The following GABRA4 variants were observed in gnomAD, a reference collection of about 807,000 sequenced individuals.
GABRA4 encodes the protein gamma-aminobutyric acid type A receptor subunit alpha4, also known as gamma-aminobutyric acid receptor subunit alpha-4.
In GABRA4, 12 loss-of-function variants were observed where a neutral mutation model predicts 49.7. The ratio of observed to expected loss-of-function variants is 0.24; its 90% confidence interval spans 0.15 to 0.39. GABRA4 has a LOEUF of 0.39. Among genes scored for constraint, GABRA4 ranks in the 10% least tolerant of loss-of-function variants. The pLI is 1.00. For missense variants in GABRA4, 506 were observed against 686.0 expected, an observed-to-expected ratio of 0.74 and a Z score of 2.93; for synonymous variants, 288 against 240.2, an observed-to-expected ratio of 1.20 and a Z score of -1.84.
rs1721281856 is a variant in GABRA4, at chr4:46,927,847, A to T, written c.*378T>A. On this transcript the variant is annotated 3_prime_UTR_variant, in exon 9 of 9. Coordinates refer to ENST00000264318, the MANE Select transcript of GABRA4 (RefSeq NM_000809.4). ...AACAATTCTGGTTAAGGGTAGTGCCACTGGGAAATTTAGGGTGGCAGGTTG... is the reference window on the plus strand; with the variant it reads ...AACAATTCTGGTTAAGGGTAGTGCCTCTGGGAAATTTAGGGTGGCAGGTTG... The T allele has an allele frequency of 5.8e-6, 1 of 172,290 alleles. No homozygotes were observed. Among genetic ancestry groups the T allele is most frequent in the Non-Finnish European group, 1.2e-5 (1 of 80,564 alleles). The allele number at this position is 172,290 out of a possible 1,614,324, so 10.7% of individuals were successfully genotyped here. A position where few individuals can be genotyped will look rare whatever the true frequency, so the allele number is the denominator to read the frequency against.
chr4:46,938,625 A>G (rs1012998709), intron 8 of GABRA4, among the ~76,000 whole-genome samples: 1 of 152,082 alleles, frequency 6.6e-6, no homozygotes, highest in South Asian at 2.1e-4. Context: ...TCCAATTTCA[A>G]TTTCTTTGGA....
At chr4:46,951,347 A>C (rs910696159) in intron 8 of GABRA4, among the ~76,000 whole-genome samples, 13 of 151,342 alleles carry the variant, frequency 8.6e-5, no homozygotes, top group Non-Finnish European at 1.3e-4. Context: ...CATTGTATTC[A>C]TACAGTCTTT....
At chr4:46,957,238 C>G (rs1167277487) in intron 8 of GABRA4, among the ~76,000 whole-genome samples, 1 of 150,164 alleles carries the variant, frequency 6.7e-6, no homozygotes, top group Non-Finnish European at 1.5e-5. Flanking sequence ...GAATGAGCCC[C>G]CAAAAGAAAA....
chr4:46,977,688 A>G, intron 3 of GABRA4, 58 bp from the exon 4 acceptor site: 1 of 1,124,538 alleles, frequency 8.9e-7, no homozygotes, highest in Admixed American at 2.2e-5. Context: ...TAAGTATGTG[A>G]AAATAATGCA....
rs397993248 is a variant in GABRA4 at position 46,925,714 on chromosome 4, ATATTATTATTATTATTATTAT to A, written c.*2490_*2510del. 2.2e-5 allele frequency: 3 copies of A among 139,376 alleles called. No homozygotes were observed. Among genetic ancestry groups the A allele is most frequent in the East Asian group, 2.1e-4 (1 of 4,800 alleles). The allele number at this position is 139,376 out of a possible 1,614,324, so 8.6% of individuals were successfully genotyped here. A position where few individuals can be genotyped will look rare whatever the true frequency, so the allele number is the denominator to read the frequency against. On this transcript the variant is annotated 3_prime_UTR_variant, in exon 9 of 9. Transcript: ENST00000264318. ...AATTCAGTTAAGGAAAGCAAACAAC[ATATTATTATTATTATTATTAT>A]TATTATTATTATTATTATTATTATC...
intron 8 of GABRA4, among the ~76,000 whole-genome samples, chr4:46,956,450 T>C (rs1241102665): frequency 1.3e-5 from 2 of 152,130 alleles, no homozygotes; most frequent in Non-Finnish European, 2.9e-5. Flanking sequence ...ACCTAGTTTA[T>C]ATACCCTTTA....
chr4:46,963,035 G>A (rs1294950894), intron 8 of GABRA4, among the ~76,000 whole-genome samples: 1 of 151,714 alleles, frequency 6.6e-6, no homozygotes, highest in Non-Finnish European at 1.5e-5. Flanking sequence ...CATTGGTCTG[G>A]GCAAAAATTT....
At chr4:46,939,574 G>A (rs1319787903) in intron 8 of GABRA4, among the ~76,000 whole-genome samples, 1 of 151,820 alleles carries the variant, frequency 6.6e-6, no homozygotes, top group African/African-American at 2.4e-5. Flanking sequence ...ACCACTTCAA[G>A]AGGCCACCTG....
intron 4 of GABRA4, 44 bp from the exon 5 acceptor site, chr4:46,977,187 A>C: frequency 1.5e-6 from 2 of 1,307,618 alleles, no homozygotes; most frequent in South Asian, 2.6e-5. Flanking sequence ...CCTTTTAAAG[A>C]ATAATTGTGA....
chr4:46,970,228 C>T lies in GABRA4; in HGVS notation c.874+855G>A, dbSNP rs538246077. 2.6e-5 allele frequency among the ~76,000 whole-genome samples: 4 copies of T among 151,488 alleles called. No homozygotes were observed. The South Asian group carries it at 8.3e-4, about 32-fold the overall frequency. On this transcript the variant is annotated intron_variant, in intron 7 of 8. Transcript: ENST00000264318. ...CTATTGTGTGATAAAGGATATTATA[C>T]CATGGCTGTGATCCTACTAGGTAGA...
intron 8 of GABRA4, among the ~76,000 whole-genome samples, chr4:46,932,965 C>T (rs985843364): frequency 6.6e-6 from 1 of 151,668 alleles, no homozygotes; most frequent in Admixed American, 6.6e-5. Context: ...TTATAAATAT[C>T]GAAGAAATAA....
chr4:46,960,713 G>A (rs1722545237), intron 8 of GABRA4, among the ~76,000 whole-genome samples: 1 of 151,308 alleles, frequency 6.6e-6, no homozygotes, highest in African/African-American at 2.4e-5. Context: ...TATGAATTAT[G>A]GCCAAAGTTG....
In GABRA4 at chr4:46,961,665, A is replaced by T. The variant is rs78336370; in HGVS notation, c.1134+3305T>A. Among the ~76,000 whole-genome samples, 1,440 of 152,024 alleles carry T rather than the reference A, an allele frequency of 9.5e-3. 14 individuals carry two copies. Among genetic ancestry groups the T allele is most frequent in the Middle Eastern group, 0.024 (7 of 294 alleles). On this transcript the variant is annotated intron_variant, in intron 8 of 8. Transcript: ENST00000264318. ...GAGAAATAAAGTTGATGATTTATAT[A>T]CGTGTTGATTTGGGTATATGCAAAC...
intron 8 of GABRA4, among the ~76,000 whole-genome samples, chr4:46,954,112 A>G (rs1332735766): frequency 6.6e-6 from 1 of 152,120 alleles, no homozygotes; most frequent in Non-Finnish European, 1.5e-5. Context: ...AGTATAATTG[A>G]TGTTTTTATT....
At chr4:46,976,222 A>G (rs1723133709) in intron 5 of GABRA4, among the ~76,000 whole-genome samples, 1 of 151,216 alleles carries the variant, frequency 6.6e-6, no homozygotes, top group South Asian at 2.1e-4. Context: ...AAAATTTCCC[A>G]AACATATCTA....
rs1441369326 is a variant in GABRA4, at chr4:46,925,197, G to A, written c.*3028C>T. On this transcript the variant is annotated 3_prime_UTR_variant, in exon 9 of 9. Coordinates refer to ENST00000264318, the MANE Select transcript of GABRA4 (RefSeq NM_000809.4). ...AACCCTGTGATTTTATCTTTGTCAT[G>A]TAACTTCTCTGTGACTCATTTCATC... is the stretch of plus-strand genomic sequence containing the variant. 1 of 151,872 alleles carries A rather than the reference G, an allele frequency of 6.6e-6. No individual in the cohort carries two copies. The highest frequency in any genetic ancestry group is 1.5e-5 in the Non-Finnish European group (1 of 67,884). The allele number at this position is 151,872 out of a possible 1,614,324, so 9.4% of individuals were successfully genotyped here.
At chr4:46,932,274 A>T (rs544838743) in intron 8 of GABRA4, among the ~76,000 whole-genome samples, 1 of 152,258 alleles carries the variant, frequency 6.6e-6, no homozygotes, top group Non-Finnish European at 1.5e-5. Context: ...TCAGTGATCA[A>T]CTTATTCCAT....
chr4:46,963,927 G>A (rs954766032), intron 8 of GABRA4, among the ~76,000 whole-genome samples: 2 of 151,770 alleles, frequency 1.3e-5, no homozygotes, highest in Non-Finnish European at 2.9e-5. Context: ...CCAAAAGAAA[G>A]GAAATCAGTA....
At chr4:46,934,220 TA>T (rs959883652) in intron 8 of GABRA4, among the ~76,000 whole-genome samples, 4 of 151,072 alleles carry the variant, frequency 2.6e-5, no homozygotes, top group South Asian at 2.1e-4. Context: ...AGTCACATAC[TA>T]AAAAAAAAGA....
Sources: allele counts gnomAD v4.1 joint callset (sites outside exome capture counted in the v4.1 genomes callset), GRCh38; gene constraint gnomAD v4.1.1; transcripts MANE v1.5; gene names NCBI Gene and HGNC (gene_info 2026-07-23, HGNC 2026-07-21).